Variants in SPTB observed in about 807,000 individuals in gnomAD.
SPTB encodes the protein spectrin beta, erythrocytic, also known as spectrin beta chain, erythrocytic.
SPTB carries 45 observed loss-of-function variants against 256.2 expected under a neutral mutation model. That is an observed-to-expected ratio of 0.18 (90% CI 0.14 to 0.23). The LOEUF (loss-of-function observed/expected upper bound fraction) is 0.23, where lower values mean the gene tolerates loss of function less well. SPTB is among the 10% of genes least tolerant of loss of function. The pLI, the probability that SPTB is intolerant of heterozygous loss-of-function variation, is 1.00. For synonymous variants in SPTB, 1,231 were observed against 1,243.1 expected (o/e 0.99, Z 0.21); for missense variants, 2,715 against 3,040.4 (o/e 0.89, Z 2.52).
intron 1 of SPTB, among the ~76,000 whole-genome samples, chr14:64,839,036 G>C (rs988950577): frequency 6.6e-6 from 1 of 152,126 alleles, no homozygotes; most frequent in Non-Finnish European, 1.5e-5. Context: ...GGGAGGCTGA[G>C]GCGGAGAATT....
intron 1 of SPTB, among the ~76,000 whole-genome samples, chr14:64,868,328 G>A (rs1882320229): frequency 6.6e-6 from 1 of 152,046 alleles, no homozygotes; most frequent in South Asian, 2.1e-4. Context: ...GGGGGGAAAA[G>A]AAAGACCAAA....
At position 64,873,603 on chromosome 14, in the gene SPTB, T is replaced by A. The variant is rs1250237253; in HGVS notation, c.-52+6189A>T. Among the ~76,000 whole-genome samples, 1 of 152,214 alleles carries A rather than the reference T, an allele frequency of 6.6e-6. No homozygotes were observed. The highest frequency in any genetic ancestry group is 1.5e-5 in the Non-Finnish European group (1 of 68,040). Reference sequence around the variant, plus strand: ...AGGGCCATTCTTGAGGTTCTGTGGCTATGGTAAAGGGTAATACCATTAACA... The same window carrying A: ...AGGGCCATTCTTGAGGTTCTGTGGCAATGGTAAAGGGTAATACCATTAACA... On this transcript the variant is annotated intron_variant, in intron 1 of 35. Transcript: ENST00000644917. The surrounding 1 kb of genome is among the most constrained non-coding windows in gnomAD (Gnocchi z 4.3).
At chr14:64,840,701 A>T (rs2139750785) in intron 1 of SPTB, among the ~76,000 whole-genome samples, 1 of 152,092 alleles carries the variant, frequency 6.6e-6, no homozygotes, top group East Asian at 1.9e-4. Context: ...CCATCCCTTC[A>T]CCATCCCCAC....
chr14:64,763,980 T>A, intron 32 of SPTB: 1 of 477,934 alleles, frequency 2.1e-6, no homozygotes, highest in Non-Finnish European at 4.2e-6. Flanking sequence ...GGGTGCCTGG[T>A]CCACTCCCAT....
intron 28 of SPTB, among the ~76,000 whole-genome samples, chr14:64,769,377 C>G (rs1025333094): frequency 3.9e-5 from 6 of 152,224 alleles, no homozygotes; most frequent in Non-Finnish European, 5.9e-5. Flanking sequence ...TGAGGCTGCT[C>G]TCCGTTACTG....
At chr14:64,833,603 T>C (rs115559844) in intron 1 of SPTB, among the ~76,000 whole-genome samples, 3,744 of 151,086 alleles carry the variant, frequency 0.025, 155 homozygotes, top group African/African-American at 0.086. Flanking sequence ...TCCCCTGCAG[T>C]AGGTGGAGGT....
In SPTB at chr14:64,806,624, T is replaced by C. The variant is rs1241571869; in HGVS notation, c.149-1534A>G. Among the ~76,000 whole-genome samples, 2 of 152,230 alleles carry C rather than the reference T, an allele frequency of 1.3e-5. No individual in the cohort carries two copies. The highest frequency in any genetic ancestry group is 2.9e-5 in the Non-Finnish European group (2 of 68,036). ...ATGCCTTCCGGCTTCATGGCTATTT[T>C]GGTATTAGGAACTCAGACCCTTGAT... On this transcript the variant is annotated intron_variant, in intron 2 of 35. Transcript: ENST00000644917. This position sits in a 1 kb window ranked among gnomAD's most constrained non-coding sequence, Gnocchi z 4.1.
Position 64,853,135 on chromosome 14 carries a change from T to A in SPTB, c.-52+26657A>T, listed in dbSNP as rs1181818415. 6.6e-6 allele frequency among the ~76,000 whole-genome samples: 1 copy of A among 151,780 alleles called. No individual in the cohort carries two copies. The highest frequency in any genetic ancestry group is 1.5e-5 in the Non-Finnish European group (1 of 67,954). On this transcript the variant is annotated intron_variant, in intron 1 of 35. Coordinates refer to ENST00000644917, the MANE Select transcript of SPTB (RefSeq NM_001355436.2). This position sits in a 1 kb window ranked among gnomAD's most constrained non-coding sequence, Gnocchi z 4.3. ...GAAAGAGCATGTGCAAAGCCAACAG[T>A]AAAAGTCCTGGACATCCCATGGGAT...
intron 28 of SPTB, 126 bp downstream of exon 28, chr14:64,769,464 A>G: frequency 7.5e-7 from 1 of 1,334,452 alleles, no homozygotes; most frequent in African/African-American, 1.5e-5. Context: ...CCCGATCTCC[A>G]TGAGTGAGAG....
chr14:64,864,860 A>C (rs1287108440), intron 1 of SPTB, among the ~76,000 whole-genome samples: 1 of 152,172 alleles, frequency 6.6e-6, no homozygotes, highest in Non-Finnish European at 1.5e-5. Flanking sequence ...ACAGGCAGGA[A>C]AGAAGGTCTG....
chr14:64,822,395 CACACACA>C (rs2083307253), intron 2 of SPTB, among the ~76,000 whole-genome samples: 1 of 145,538 alleles, frequency 6.9e-6, no homozygotes, highest in Non-Finnish European at 1.5e-5. Flanking sequence ...CACACACACA[CACACACA>C]GAGAGATCTA....
chr14:64,762,820 G>C (rs931694106), intron 32 of SPTB, among the ~76,000 whole-genome samples: 2 of 152,220 alleles, frequency 1.3e-5, no homozygotes, highest in African/African-American at 4.8e-5. Context: ...TGGCATCCCA[G>C]GGTCCCGTCT....
chr14:64,796,441 T>G lies in SPTB; in HGVS notation c.1341+116A>C, dbSNP rs1257288821. 2.2e-5 allele frequency: 30 copies of G among 1,374,394 alleles called. No homozygotes were observed. Among genetic ancestry groups the G allele is most frequent in the Non-Finnish European group, 2.9e-5 (28 of 972,594 alleles). The allele number at this position is 1,374,394 out of a possible 1,614,324, so 85.1% of individuals were successfully genotyped here. On this transcript the variant is annotated intron_variant, in intron 11 of 35. Transcript: ENST00000644917. This position sits in a 1 kb window ranked among gnomAD's most constrained non-coding sequence, Gnocchi z 4.1. ...GATCCACTGGATCACGGGGGAGCTG[T>G]GCTGCAAGGCACGAGGAGAGGCTGT...
At chr14:64,822,157 A>ACAAC (rs997019006) in intron 2 of SPTB, among the ~76,000 whole-genome samples, 28 of 151,390 alleles carry the variant, frequency 1.8e-4, no homozygotes, top group African/African-American at 6.8e-4. Flanking sequence ...ACATACACAC[A>ACAAC]CAACCCCATG....
chr14:64,814,962 G>A (rs2083162234), intron 2 of SPTB, among the ~76,000 whole-genome samples: 1 of 152,150 alleles, frequency 6.6e-6, no homozygotes, highest in South Asian at 2.1e-4. Flanking sequence ...AGAATGGCAG[G>A]GAAGAAAAAG....
chr14:64,761,087 C>T (rs1159123616), intron 32 of SPTB, among the ~76,000 whole-genome samples: 1 of 152,240 alleles, frequency 6.6e-6, no homozygotes, highest in South Asian at 2.1e-4. Context: ...CTGCTAGATG[C>T]CTTAGGCAAC....
intron 29 of SPTB, 31 bp downstream of exon 29, chr14:64,769,003 C>T: frequency 6.3e-7 from 1 of 1,589,168 alleles, no homozygotes; most frequent in Admixed American, 1.7e-5. Flanking sequence ...GTACTCCTGC[C>T]CCTGGGCCCT....
intron 33 of SPTB, 174 bp from the exon 34 acceptor site, chr14:64,750,328 A>G (rs2081926005): frequency 1.3e-6 from 1 of 754,488 alleles, no homozygotes; most frequent in South Asian, 2.3e-5. Context: ...ATTAGCTATT[A>G]TTAACATTTT....
chr14:64,820,781 G>A (rs553967059), intron 2 of SPTB, among the ~76,000 whole-genome samples: 102 of 152,118 alleles, frequency 6.7e-4, no homozygotes, highest in African/African-American at 2.0e-3. Flanking sequence ...AGCAATTCTC[G>A]TGCCTCAGCT....
Sources: allele counts gnomAD v4.1 joint callset (sites outside exome capture counted in the v4.1 genomes callset), GRCh38; gene constraint gnomAD v4.1.1; non-coding constraint Gnocchi (gnomAD v3.1); transcripts MANE v1.5; gene names NCBI Gene and HGNC (gene_info 2026-07-23, HGNC 2026-07-21).